ZNF600: variants seen among roughly 807,000 people sequenced by gnomAD.
ZNF600 encodes the protein zinc finger protein 600.
Under a neutral mutation model 7.3 loss-of-function variants are expected in ZNF600, and 4 were observed. That is an observed-to-expected ratio of 0.55 (90% CI 0.27 to 1.25). ZNF600 has a LOEUF of 1.25. ZNF600 is among the 50% of genes most tolerant of loss of function. The probability of loss-of-function intolerance (pLI) is 0.12; values close to 1 mark genes in which losing one functional copy is unlikely to be tolerated. For synonymous variants in ZNF600, 290 were observed against 308.9 expected, an observed-to-expected ratio of 0.94 and a Z score of 0.64; for missense variants, 911 against 922.1, an observed-to-expected ratio of 0.99 and a Z score of 0.16.
At chr19:52,773,354 A>G (rs939497294) in intron 3 of ZNF600, among the ~76,000 whole-genome samples, 6 of 152,244 alleles carry the variant, frequency 3.9e-5, no homozygotes, top group African/African-American at 1.4e-4. Context: ...CCAAAAAAGC[A>G]GCAGTATGGT....
At chr19:52,777,709 G>T (rs1486741560) in intron 2 of ZNF600, among the ~76,000 whole-genome samples, 10 of 151,506 alleles carry the variant, frequency 6.6e-5, no homozygotes. Context: ...GCATCCTGAA[G>T]TCCCAGCAAC....
At chr19:52,824,880 C>T in the ZNF600 span, among the ~76,000 whole-genome samples, 1 of 152,004 alleles carries the variant, frequency 6.6e-6, no homozygotes, top group African/African-American at 2.4e-5. Flanking sequence ...TTAGAAATAA[C>T]GGGACTAAAA....
upstream of ZNF600, among the ~76,000 whole-genome samples, chr19:52,789,074 G>C (rs567743316): frequency 6.6e-6 from 1 of 152,300 alleles, no homozygotes; most frequent in East Asian, 1.9e-4. Flanking sequence ...GGGGGTGAAG[G>C]TGGGGCTGTC....
chr19:52,794,390 T>C, the ZNF600 span, among the ~76,000 whole-genome samples: 1 of 152,216 alleles, frequency 6.6e-6, no homozygotes, highest in African/African-American at 2.4e-5. Context: ...TGAGCTTTTC[T>C]GGTCTTATTC....
intron 1 of ZNF600, chr19:52,780,677 G>A (rs1286671849): frequency 6.6e-6 from 1 of 152,064 alleles, no homozygotes; most frequent in African/African-American, 2.4e-5. Flanking sequence ...GCAGTGAGCT[G>A]ATATCATGGC....
At chr19:52,796,944 A>G in the ZNF600 span, among the ~76,000 whole-genome samples, 3 of 152,204 alleles carry the variant, frequency 2.0e-5, no homozygotes, top group Non-Finnish European at 2.9e-5. Flanking sequence ...GACATCATGC[A>G]CAATTTTCTC....
At chr19:52,783,729 C>G (rs2062742437) in intron 1 of ZNF600, among the ~76,000 whole-genome samples, 1 of 152,158 alleles carries the variant, frequency 6.6e-6, no homozygotes, top group East Asian at 1.9e-4. Context: ...CTGCATTTCC[C>G]CCTGGACTTC....
chr19:52,830,564 G>A, the ZNF600 span, among the ~76,000 whole-genome samples: 34 of 152,154 alleles, frequency 2.2e-4, no homozygotes, highest in Non-Finnish European at 2.2e-4. Flanking sequence ...GCTGAGCTGC[G>A]CTGCTGACAG....
chr19:52,816,772 A>G, the ZNF600 span, among the ~76,000 whole-genome samples: 1 of 151,818 alleles, frequency 6.6e-6, no homozygotes, highest in Non-Finnish European at 1.5e-5. Context: ...CAGAGGTTGT[A>G]GTAAGCTGAG....
At chr19:52,809,555 C>T in the ZNF600 span, among the ~76,000 whole-genome samples, 1 of 152,136 alleles carries the variant, frequency 6.6e-6, no homozygotes, top group East Asian at 1.9e-4. Flanking sequence ...CGCCTGTAAT[C>T]CCAGCACTTT....
At chr19:52,766,922 T>A in exon 4 of ZNF600, 2 of 1,614,140 alleles carry the variant, frequency 1.2e-6, no homozygotes, top group South Asian at 1.1e-5. Context: ...CTTTGTCACA[T>A]TCATTACACT....
chr19:52,815,358 A>G, the ZNF600 span, among the ~76,000 whole-genome samples: 1 of 144,330 alleles, frequency 6.9e-6, no homozygotes, highest in South Asian at 2.4e-4. Context: ...CTCTATTAAA[A>G]ATACAAAAAT....
intron 1 of ZNF600, 49 bp downstream of exon 1, chr19:52,786,546 G>A (rs1016794703): frequency 1.2e-5 from 2 of 168,658 alleles, no homozygotes; most frequent in East Asian, 1.6e-4. Context: ...GACGGGACCA[G>A]CCTCCGAGCG....
the ZNF600 span, among the ~76,000 whole-genome samples, chr19:52,803,309 G>A: frequency 5.9e-5 from 9 of 151,584 alleles, no homozygotes; most frequent in Admixed American, 2.0e-4. Context: ...TCGAACTCCT[G>A]ACCTCAGATG....
At chr19:52,809,828 C>CGGCGGCGGA in the ZNF600 span, 1 of 551,048 alleles carries the variant, frequency 1.8e-6, no homozygotes, top group Non-Finnish European at 3.2e-6. Flanking sequence ...GCGAAGGCGG[C>CGGCGGCGGA]GGCGGCGGCG....
upstream of ZNF600, among the ~76,000 whole-genome samples, chr19:52,787,381 A>ATC (rs1304887134): frequency 2.9e-5 from 4 of 140,168 alleles, no homozygotes; most frequent in Admixed American, 1.4e-4. Flanking sequence ...CCTCTTCCTG[A>ATC]TCTCTCTCTC....
rs115578755 is a variant in ZNF600 at position 52,779,730 on chromosome 19, C to A, written c.-19-823G>T. Among the ~76,000 whole-genome samples, 225 of 152,272 alleles carry A rather than the reference C, an allele frequency of 1.5e-3. 1 individual carries two copies. Among genetic ancestry groups the A allele is most frequent in the African/African-American group, 5.2e-3 (217 of 41,552 alleles). Reference sequence around the variant, plus strand: ...ACATAGATGCATGTCTGAGTGCCTCCTTCGAAAGACTAATCAGAAACTCAA... The same window carrying A: ...ACATAGATGCATGTCTGAGTGCCTCATTCGAAAGACTAATCAGAAACTCAA... On this transcript the variant is annotated intron_variant, in intron 1 of 3. Coordinates refer to ENST00000648973, the Ensembl canonical transcript of ZNF600.
At chr19:52,829,434 G>A in the ZNF600 span, among the ~76,000 whole-genome samples, 5 of 142,500 alleles carry the variant, frequency 3.5e-5, no homozygotes, top group African/African-American at 1.1e-4. Flanking sequence ...GAGTGCAATG[G>A]CCTGATCTTG....
exon 4 of ZNF600, chr19:52,767,060 GGAT>G (rs1170798762): frequency 1.2e-6 from 2 of 1,614,048 alleles, no homozygotes. Context: ...GGCATGTAAG[GGAT>G]GATACCTGAC....
Sources: gnomAD v4.1 joint callset for allele counts (sites outside exome capture counted in the v4.1 genomes callset) on GRCh38, gnomAD v4.1.1 for gene constraint, MANE v1.5 for transcripts, NCBI Gene and HGNC (gene_info 2026-07-23, HGNC 2026-07-21) for gene names.